IL34: variants seen among roughly 807,000 people sequenced by gnomAD.
IL34 encodes interleukin-34.
A neutral mutation model predicts 25.3 loss-of-function variants in IL34; 17 were observed. The observed-to-expected ratio is 0.67, with a 90% CI of 0.46 to 1.01. The LOEUF (loss-of-function observed/expected upper bound fraction) is 1.01. IL34 is among the 50% of genes least tolerant of loss of function. The pLI is 0.00. For synonymous variants in IL34, 174 were observed against 140.9 expected, an observed-to-expected ratio of 1.23 and a Z score of -1.66; for missense variants, 368 against 312.9, an observed-to-expected ratio of 1.18 and a Z score of -1.33.
chr16:70,593,682 AT>A (rs1282703496), intron 1 of IL34, among the ~76,000 whole-genome samples: 2 of 151,382 alleles, frequency 1.3e-5, no homozygotes, highest in Non-Finnish European at 2.9e-5. Flanking sequence ...ATGCTGGGCT[AT>A]TTTTTTTGTA....
intron 1 of IL34, among the ~76,000 whole-genome samples, chr16:70,653,281 G>A (rs923128706): frequency 6.7e-6 from 1 of 148,948 alleles, no homozygotes; most frequent in Admixed American, 6.8e-5. Flanking sequence ...AGGAGGCCAC[G>A]ATGGAAGGAC....
chr16:70,616,473 T>A (rs1286371247), intron 1 of IL34, among the ~76,000 whole-genome samples: 2 of 152,222 alleles, frequency 1.3e-5, no homozygotes, highest in Non-Finnish European at 2.9e-5. Context: ...GCCTATGTAT[T>A]TTTCTATGAC....
chr16:70,621,116 G>T (rs941707967), intron 1 of IL34, among the ~76,000 whole-genome samples: 6 of 152,064 alleles, frequency 3.9e-5, no homozygotes, highest in African/African-American at 1.2e-4. Context: ...GTCGCTAAGG[G>T]TGAAGGAGAA....
chr16:70,596,294 G>T (rs8049598), intron 1 of IL34, among the ~76,000 whole-genome samples: 10,014 of 152,234 alleles, frequency 0.066, 756 homozygotes, highest in East Asian at 0.2. Context: ...TCACCTTGAG[G>T]TGATGAATTT....
At chr16:70,643,669 G>A (rs760971649), upstream of IL34, among the ~76,000 whole-genome samples, 29 of 152,256 alleles carry the variant, frequency 1.9e-4, no homozygotes, top group South Asian at 6.2e-4. Flanking sequence ...GCCATCACAC[G>A]CAGCCTGTAC....
chr16:70,640,336 A>G (rs1309696768), intron 1 of IL34, among the ~76,000 whole-genome samples: 1 of 152,104 alleles, frequency 6.6e-6, no homozygotes, highest in African/African-American at 2.4e-5. Context: ...TTGTAGGGAC[A>G]GCCTCTTGCT....
At chr16:70,620,192 C>T (rs1423456190) in intron 1 of IL34, among the ~76,000 whole-genome samples, 2 of 152,074 alleles carry the variant, frequency 1.3e-5, no homozygotes, top group African/African-American at 4.8e-5. Context: ...ATAAGATGGC[C>T]TTTTGACCTT....
chr16:70,655,288 T>G (rs2052188221), intron 2 of IL34, among the ~76,000 whole-genome samples: 1 of 152,106 alleles, frequency 6.6e-6, no homozygotes, highest in Non-Finnish European at 1.5e-5. Flanking sequence ...CTTGACCTCG[T>G]GATCCGCCTG....
At chr16:70,591,438 A>G (rs1471509030) in intron 1 of IL34, among the ~76,000 whole-genome samples, 1 of 151,972 alleles carries the variant, frequency 6.6e-6, no homozygotes, top group East Asian at 1.9e-4. Flanking sequence ...GCGTGGTGGC[A>G]CGTACCTGTA....
At chr16:70,653,714 T>C (rs1338243590) in intron 1 of IL34, among the ~76,000 whole-genome samples, 1 of 152,126 alleles carries the variant, frequency 6.6e-6, no homozygotes, top group Non-Finnish European at 1.5e-5. Context: ...TATCTGATTG[T>C]TTTAATGTGA....
At chr16:70,594,085 C>CT (rs1408773962) in intron 1 of IL34, among the ~76,000 whole-genome samples, 1 of 152,136 alleles carries the variant, frequency 6.6e-6, no homozygotes, top group Non-Finnish European at 1.5e-5. Flanking sequence ...TTCCATTCTT[C>CT]TTTTTTGTGT....
chr16:70,622,918 C>A (rs1309309338), intron 1 of IL34, among the ~76,000 whole-genome samples: 1 of 152,034 alleles, frequency 6.6e-6, no homozygotes, highest in African/African-American at 2.4e-5. Flanking sequence ...ACATTAAGGT[C>A]AAATTGTTTG....
chr16:70,650,338 G>T (rs1179913899), intron 1 of IL34, among the ~76,000 whole-genome samples: 2 of 152,240 alleles, frequency 1.3e-5, no homozygotes, highest in East Asian at 3.8e-4. Flanking sequence ...TGCACTCAGA[G>T]GAAGGCTGCC....
chr16:70,603,372 C>T (rs1218881497), intron 1 of IL34, among the ~76,000 whole-genome samples: 3 of 152,108 alleles, frequency 2.0e-5, no homozygotes, highest in Admixed American at 1.3e-4. Flanking sequence ...CTCCACCTCT[C>T]GGATTCAAGC....
intron 1 of IL34, among the ~76,000 whole-genome samples, chr16:70,633,884 A>T (rs138297540): frequency 0.011 from 1,638 of 150,234 alleles, 14 homozygotes; most frequent in Non-Finnish European, 0.016. Context: ...AGAGTCTCGC[A>T]TTGTCGCCCA....
intron 1 of IL34, among the ~76,000 whole-genome samples, chr16:70,635,219 G>A (rs1322567220): frequency 6.6e-6 from 1 of 152,094 alleles, no homozygotes; most frequent in Non-Finnish European, 1.5e-5. Flanking sequence ...AACGTGGAGG[G>A]CCCCATTACC....
chr16:70,588,071 G>GA (rs1413710209), intron 1 of IL34, among the ~76,000 whole-genome samples: 1 of 152,172 alleles, frequency 6.6e-6, no homozygotes, highest in African/African-American at 2.4e-5. Flanking sequence ...GTGTTGGTGG[G>GA]ATGTGGAGGA....
chr16:70,648,376 C>A (rs34960234), intron 1 of IL34, among the ~76,000 whole-genome samples: 1 of 151,586 alleles, frequency 6.6e-6, no homozygotes, highest in Admixed American at 6.6e-5. Context: ...GGCAGCATAG[C>A]GAGACTCCAT....
chr16:70,646,979 A>T lies in IL34; in HGVS notation c.28+4A>T, dbSNP rs1435950048. On this transcript the variant is annotated splice_donor_region_variant and intron_variant, in intron 1 of 5. Transcript: ENST00000288098. Reference sequence around the variant, plus strand: ...CGGGGCTTCACCTGGCTGCGCTGTGAGTACTGGGGGGTCCCTAGGGACCTG... The same window carrying T: ...CGGGGCTTCACCTGGCTGCGCTGTGTGTACTGGGGGGTCCCTAGGGACCTG... The T allele has an allele frequency of 6.9e-6, 10 of 1,456,536 alleles. No homozygotes were observed. The highest frequency in any genetic ancestry group is 9.0e-6 in the Non-Finnish European group (10 of 1,113,096). The allele number at this position is 1,456,536 out of a possible 1,614,324, so 90.2% of individuals were successfully genotyped here.
Sources: gnomAD v4.1 joint callset for allele counts (sites outside exome capture counted in the v4.1 genomes callset) on GRCh38, gnomAD v4.1.1 for gene constraint, MANE v1.5 for transcripts, NCBI Gene and HGNC (gene_info 2026-07-23, HGNC 2026-07-21) for gene names.